Variants in COBLL1 observed in about 807,000 individuals in gnomAD.
COBLL1 encodes the protein cordon-bleu protein-like 1.
COBLL1 carries 50 observed loss-of-function variants against 94.8 expected under a neutral mutation model. The observed-to-expected ratio is 0.53, with a 90% CI of 0.42 to 0.67. The LOEUF (loss-of-function observed/expected upper bound fraction) is 0.67, where lower values mean the gene tolerates loss of function less well. COBLL1 is among the 30% of genes least tolerant of loss of function. The pLI, the probability that COBLL1 is intolerant of heterozygous loss-of-function variation, is 0.00. For synonymous variants in COBLL1, 448 were observed against 473.8 expected (o/e 0.95, Z 0.71); for missense variants, 1,362 against 1,348.7 (o/e 1.01, Z -0.15).
chr2:164,799,971 T>A (rs965944618), intron 2 of COBLL1, among the ~76,000 whole-genome samples: 2 of 152,094 alleles, frequency 1.3e-5, no homozygotes, highest in African/African-American at 4.8e-5. Context: ...AAATACAAAA[T>A]GAAAAGCTGT....
chr2:164,715,857 T>A (rs1685138424), intron 7 of COBLL1, among the ~76,000 whole-genome samples: 1 of 152,082 alleles, frequency 6.6e-6, no homozygotes, highest in Non-Finnish European at 1.5e-5. Context: ...CAATGTAATA[T>A]CCCAGAGAAA....
chr2:164,706,868 A>G (rs1684629875), intron 7 of COBLL1, among the ~76,000 whole-genome samples: 1 of 152,208 alleles, frequency 6.6e-6, no homozygotes, highest in Admixed American at 6.5e-5. Context: ...AAAGGATCCT[A>G]TTAAAATGTA....
At chr2:164,666,228 T>C (rs576194315) in intron 1 of COBLL1, among the ~76,000 whole-genome samples, 80 of 152,310 alleles carry the variant, frequency 5.3e-4, no homozygotes, top group African/African-American at 1.7e-3. Flanking sequence ...ATAATAAATA[T>C]TGCAATTAAG....
rs529686744 is a variant in COBLL1 at position 164,813,483 on chromosome 2, C to T, written c.41+27673G>A. ...TTATTTTCATCATGTAACCAGCTAC[C>T]ATCATCCAAATGGAACATCAGGGGT... On this transcript the variant is annotated intron_variant, in intron 2 of 13. Transcript: ENST00000652658. Among the ~76,000 whole-genome samples the T allele has an allele frequency of 2.0e-5, 3 of 152,230 alleles. No individual in the cohort carries two copies. In the South Asian group the frequency reaches 6.2e-4, roughly 32 times the overall value.
intron 7 of COBLL1, 140 bp downstream of exon 7, chr2:164,721,935 A>G (rs1685464851): frequency 3.5e-6 from 2 of 566,820 alleles, no homozygotes; most frequent in Non-Finnish European, 6.1e-6. Context: ...ATCTTATTAC[A>G]TATTAGTAAC....
chr2:164,799,724 A>G (rs1454553083), intron 2 of COBLL1, among the ~76,000 whole-genome samples: 1 of 152,248 alleles, frequency 6.6e-6, no homozygotes, highest in African/African-American at 2.4e-5. Context: ...AGTAATCAAA[A>G]CAATGTGGTA....
intron 2 of COBLL1, among the ~76,000 whole-genome samples, chr2:164,823,985 A>C (rs1243678455): frequency 1.3e-5 from 2 of 152,256 alleles, no homozygotes; most frequent in Non-Finnish European, 2.9e-5. Flanking sequence ...ATTTCAAAAC[A>C]CATTTTTAAA....
chr2:164,731,447 A>G (rs1686007493), intron 3 of COBLL1, among the ~76,000 whole-genome samples: 1 of 152,180 alleles, frequency 6.6e-6, no homozygotes, highest in Non-Finnish European at 1.5e-5. Context: ...ATTTTCATTC[A>G]TATCACTGAC....
chr2:164,722,267 T>C lies in COBLL1; in HGVS notation c.804A>G (p.Pro268=), dbSNP rs2105499879. 6.2e-7 allele frequency: 1 copy of C among 1,614,030 alleles called. No homozygotes were observed. The highest frequency in any genetic ancestry group is 8.5e-7 in the Non-Finnish European group (1 of 1,179,974). Residue 268 remains proline, a synonymous_variant, in exon 7 of 14, where the codon CCA becomes CCG. Coordinates refer to ENST00000652658, the MANE Select transcript of COBLL1 (RefSeq NM_001365672.2). ...AAATGGTATTGGACCTTGTAAAAGT[T>C]GGGCGGTGCTTATTTACTAGAGGGG... is the stretch of plus-strand genomic sequence containing the variant. ...PATPLVNKHR[P]TFTRSNTISK...
Position 164,695,518 on chromosome 2 carries a change from G to A in COBLL1, c.1874C>T (p.Ser625Phe), listed in dbSNP as rs759271742. 3.1e-6 allele frequency: 5 copies of A among 1,613,928 alleles called. No individual in the cohort carries two copies. The South Asian group carries it at 3.3e-5, about 11-fold the overall frequency. ...AGTTTGCACACATTCTTCAACTTTG[G>A]AGTCAGATAAATTATGATCTTGGTG... The part of the protein sequence containing the change: ...GKHQDHNLSD[S>F]KVEECVQTSN... The change falls in exon 12 of 14, where the codon TCC becomes TTC. Residue 625 changes from serine to phenylalanine, a missense_variant. Transcript: ENST00000652658.
intron 10 of COBLL1, among the ~76,000 whole-genome samples, chr2:164,699,752 T>C (rs1332253428): frequency 6.6e-6 from 1 of 152,062 alleles, no homozygotes; most frequent in Non-Finnish European, 1.5e-5. Context: ...CTTGGTAAAA[T>C]AGACACTTTT....
At chr2:164,833,148 T>A (rs1316273849) in intron 2 of COBLL1, among the ~76,000 whole-genome samples, 1 of 151,660 alleles carries the variant, frequency 6.6e-6, no homozygotes, top group East Asian at 2.0e-4. Flanking sequence ...CGAGAGGATC[T>A]CTTGAGGCCA....
rs544446708 is a variant in COBLL1, at chr2:164,758,063, C to T, written c.42-14188G>A. Reference sequence around the variant, plus strand: ...GAGATATAAAATTAATGTAAACAAACGAGCGATTTGAGAAAACAGACTTAA... The same window carrying T: ...GAGATATAAAATTAATGTAAACAAATGAGCGATTTGAGAAAACAGACTTAA... On this transcript the variant is annotated intron_variant, in intron 2 of 13. Coordinates refer to ENST00000652658, the MANE Select transcript of COBLL1 (RefSeq NM_001365672.2). Among the ~76,000 whole-genome samples the T allele has an allele frequency of 7.4e-4, 112 of 152,064 alleles. 1 individual carries two copies. Among genetic ancestry groups the T allele is most frequent in the African/African-American group, 2.3e-3 (95 of 41,484 alleles).
chr2:164,734,615 T>C (rs1216096671), intron 3 of COBLL1, among the ~76,000 whole-genome samples: 1 of 152,074 alleles, frequency 6.6e-6, no homozygotes, highest in Non-Finnish European at 1.5e-5. Context: ...TGGGAGATGG[T>C]GGTGTCCTGG....
chr2:164,829,089 T>C (rs1682931126), intron 2 of COBLL1, among the ~76,000 whole-genome samples: 4 of 152,206 alleles, frequency 2.6e-5, no homozygotes, highest in Admixed American at 2.6e-4. Context: ...ATAAATAACA[T>C]GACCCATAAA....
intron 2 of COBLL1, among the ~76,000 whole-genome samples, chr2:164,751,416 G>A (rs1029462958): frequency 1.3e-5 from 2 of 151,988 alleles, no homozygotes; most frequent in Admixed American, 1.3e-4. Context: ...AGGAAGGGAG[G>A]GAAGGTCATA....
rs113561913 is a variant in COBLL1, at chr2:164,795,247, G to A, written c.41+45909C>T. On this transcript the variant is annotated intron_variant, in intron 2 of 13. Coordinates refer to ENST00000652658, the MANE Select transcript of COBLL1 (RefSeq NM_001365672.2). The stretch of plus-strand genomic sequence containing the variant: ...TTTTGAAGCACTCACAAGTCTAAAG[G>A]GGTATAAACTGAAAATTATTTGACA... Among the ~76,000 whole-genome samples the A allele has an allele frequency of 4.7e-3, 711 of 152,110 alleles. 5 individuals carry two copies. Among genetic ancestry groups the A allele is most frequent in the African/African-American group, 0.016 (667 of 41,496 alleles).
At position 164,818,444 on chromosome 2, in the gene COBLL1, CAT is replaced by C. The variant is rs746739231; in HGVS notation, c.41+22710_41+22711del. On this transcript the variant is annotated intron_variant, in intron 2 of 13. Transcript: ENST00000652658. ...CAATGTATGCATGTATACATATACACATATTTACATTGTATACATATACACAT... is the reference window on the plus strand; with the variant it reads ...CAATGTATGCATGTATACATATACACATTTACATTGTATACATATACACAT... Among the ~76,000 whole-genome samples, 6 of 149,004 alleles carry C rather than the reference CAT, an allele frequency of 4.0e-5. No homozygotes were observed. The East Asian group carries it at 5.9e-4, about 15-fold the overall frequency.
At chr2:164,758,561 C>T (rs1024470709) in intron 2 of COBLL1, among the ~76,000 whole-genome samples, 1 of 152,062 alleles carries the variant, frequency 6.6e-6, no homozygotes, top group African/African-American at 2.4e-5. Flanking sequence ...GCTTCCTTTG[C>T]ACTTGTGTTT....
Sources: allele counts gnomAD v4.1 joint callset (sites outside exome capture counted in the v4.1 genomes callset), GRCh38; gene constraint gnomAD v4.1.1; transcripts MANE v1.5; gene names NCBI Gene and HGNC (gene_info 2026-07-23, HGNC 2026-07-21).